NOVA1: variants seen among roughly 807,000 people sequenced by gnomAD.
NOVA1 encodes the protein RNA-binding protein Nova-1.
Under a neutral mutation model 38.0 loss-of-function variants are expected in NOVA1, and 7 were observed. The ratio of observed to expected loss-of-function variants is 0.18; its 90% CI spans 0.10 to 0.35. The LOEUF is 0.35. Ranked by LOEUF, NOVA1 falls within the 10% of genes least tolerant of loss-of-function variation. NOVA1 has a pLI of 1.00. For missense variants in NOVA1, 460 were observed against 616.0 expected, an observed-to-expected ratio of 0.75 and a Z score of 2.68; for synonymous variants, 270 against 232.5, an observed-to-expected ratio of 1.16 and a Z score of -1.47.
At chr14:26,506,146 T>C (rs1887624340) in intron 2 of NOVA1, among the ~76,000 whole-genome samples, 1 of 152,254 alleles carries the variant, frequency 6.6e-6, no homozygotes, top group East Asian at 1.9e-4. Context: ...AATAATGCAA[T>C]GTTACTTATC....
rs1208060171 is a variant in NOVA1 at position 26,458,778 on chromosome 14, A to AAAAACCTGTACACATACCCCC, written c.520-9836_520-9816dup. Among the ~76,000 whole-genome samples, 4 of 152,200 alleles carry AAAAACCTGTACACATACCCCC rather than the reference A, an allele frequency of 2.6e-5. No individual in the cohort carries two copies. The East Asian group carries it at 7.7e-4, about 29-fold the overall frequency. On this transcript the variant is annotated intron_variant, in intron 4 of 4. Coordinates refer to ENST00000539517, the MANE Select transcript of NOVA1 (RefSeq NM_002515.3). The stretch of plus-strand genomic sequence containing the variant: ...CAACGACATGCAAATTACCCATGCA[A>AAAAACCTGTACACATACCCCC]AAAACCTGTACACATACCCCCAAAT...
chr14:26,550,610 G>C (rs940778932), intron 2 of NOVA1, among the ~76,000 whole-genome samples: 1 of 152,098 alleles, frequency 6.6e-6, no homozygotes, highest in Non-Finnish European at 1.5e-5. Flanking sequence ...ATTATTCTCT[G>C]AGAAATATCA....
chr14:26,492,962 T>C (rs1328572328), intron 2 of NOVA1, among the ~76,000 whole-genome samples: 2 of 151,818 alleles, frequency 1.3e-5, no homozygotes, highest in Non-Finnish European at 2.9e-5. Context: ...AAATTAAAAA[T>C]AAGTAAATAG....
At chr14:26,556,297 T>A (rs1366955561) in intron 2 of NOVA1, among the ~76,000 whole-genome samples, 2 of 152,020 alleles carry the variant, frequency 1.3e-5, no homozygotes, top group Admixed American at 6.6e-5. Context: ...AACAGACAAC[T>A]TGATCAATGG....
intron 2 of NOVA1, among the ~76,000 whole-genome samples, chr14:26,523,618 T>A (rs73601917): frequency 0.012 from 1,757 of 152,270 alleles, 18 homozygotes; most frequent in African/African-American, 0.04. Context: ...AAAACAGTCA[T>A]AAACAATCAG....
At chr14:26,596,364 G>A (rs1360464540) in intron 1 of NOVA1, among the ~76,000 whole-genome samples, 1 of 152,156 alleles carries the variant, frequency 6.6e-6, no homozygotes, top group African/African-American at 2.4e-5. Flanking sequence ...CGGAAAGGGG[G>A]TGGAAGAACC....
chr14:26,531,768 G>C (rs1889734295), intron 2 of NOVA1, among the ~76,000 whole-genome samples: 1 of 152,042 alleles, frequency 6.6e-6, no homozygotes, highest in African/African-American at 2.4e-5. Context: ...ACAAATAAAT[G>C]AAAAGGTAAA....
intron 2 of NOVA1, among the ~76,000 whole-genome samples, chr14:26,525,391 A>G (rs189261248): frequency 2.0e-5 from 3 of 152,248 alleles, no homozygotes; most frequent in Admixed American, 2.0e-4. Context: ...TTATGTTAAG[A>G]CACAAATGTT....
In NOVA1 at chr14:26,448,640, A is replaced by T. The variant is rs774573597; in HGVS notation, c.843T>A (p.Thr281=). The change falls in exon 5 of 5, where the codon ACT becomes ACA. Residue 281 remains threonine (T), a synonymous_variant. Coordinates refer to ENST00000539517, the MANE Select transcript of NOVA1 (RefSeq NM_002515.3). This position sits in a 1 kb window ranked among gnomAD's most constrained non-coding sequence, Gnocchi z 5.3. ...PYANTAEVLP[T]AAAAAGLLGH... ...CTAATAGCCCTGCAGCTGCTGCAGC[A>T]GTTGGTAACACTTCAGCAGTGTTTG... 6.2e-7 allele frequency: 1 copy of T among 1,614,252 alleles called. No homozygotes were observed. The highest frequency in any genetic ancestry group is 8.5e-7 in the Non-Finnish European group (1 of 1,180,044).
chr14:26,456,463 A>G (rs886960374), intron 4 of NOVA1, among the ~76,000 whole-genome samples: 1 of 152,034 alleles, frequency 6.6e-6, no homozygotes, highest in African/African-American at 2.4e-5. Context: ...AAGTGAAGCA[A>G]ATTGTTAAAT....
chr14:26,464,997 T>C (rs551215948), intron 4 of NOVA1, among the ~76,000 whole-genome samples: 8 of 152,054 alleles, frequency 5.3e-5, no homozygotes, highest in Non-Finnish European at 1.0e-4. Context: ...ATTTCATAAC[T>C]CTCATCCTAG....
intron 2 of NOVA1, among the ~76,000 whole-genome samples, chr14:26,522,583 T>C (rs181755426): frequency 1.3e-5 from 2 of 152,244 alleles, no homozygotes; most frequent in East Asian, 3.9e-4. Context: ...TAGAGTCAGA[T>C]TCGTTATTTT....
At chr14:26,455,351 T>C (rs991887633) in intron 4 of NOVA1, among the ~76,000 whole-genome samples, 3 of 152,138 alleles carry the variant, frequency 2.0e-5, no homozygotes, top group Admixed American at 6.5e-5. Context: ...TGTAGTATAA[T>C]ACAAATATAG....
At chr14:26,491,092 C>T (rs1202650590) in intron 2 of NOVA1, among the ~76,000 whole-genome samples, 8 of 152,002 alleles carry the variant, frequency 5.3e-5, no homozygotes, top group Non-Finnish European at 7.4e-5. Context: ...CCTCATGATC[C>T]GCCTGCCTCG....
At chr14:26,473,960 A>T (rs1332064120) in intron 3 of NOVA1, among the ~76,000 whole-genome samples, 1 of 152,026 alleles carries the variant, frequency 6.6e-6, no homozygotes, top group Non-Finnish European at 1.5e-5. Flanking sequence ...AATCATTAAA[A>T]ATTTCCCTAA....
chr14:26,455,592 A>G (rs1259019062), intron 4 of NOVA1, among the ~76,000 whole-genome samples: 7 of 151,800 alleles, frequency 4.6e-5, no homozygotes, highest in Non-Finnish European at 8.8e-5. Context: ...TAACTTACTT[A>G]TTTTTCCATT....
chr14:26,557,512 C>T (rs980256696), intron 2 of NOVA1, among the ~76,000 whole-genome samples: 2 of 151,012 alleles, frequency 1.3e-5, no homozygotes, highest in Non-Finnish European at 2.9e-5. Flanking sequence ...CAGGCACATG[C>T]TACCATGACT....
At chr14:26,561,366 A>C (rs928772323) in intron 2 of NOVA1, among the ~76,000 whole-genome samples, 5 of 152,250 alleles carry the variant, frequency 3.3e-5, no homozygotes, top group Non-Finnish European at 7.3e-5. Context: ...AAATACTTTG[A>C]ACTCTCTTGA....
At chr14:26,566,363 A>G in intron 2 of NOVA1, among the ~76,000 whole-genome samples, 1 of 151,196 alleles carries the variant, frequency 6.6e-6, no homozygotes, top group East Asian at 1.9e-4. Context: ...ACATATATAC[A>G]TATATACTAG....
Sources: allele counts gnomAD v4.1 joint callset (sites outside exome capture counted in the v4.1 genomes callset), GRCh38; gene constraint gnomAD v4.1.1; non-coding constraint Gnocchi (gnomAD v3.1); transcripts MANE v1.5; gene names NCBI Gene and HGNC (gene_info 2026-07-23, HGNC 2026-07-21).